Variants in ADAMTS17 observed in about 807,000 individuals in gnomAD.
The protein encoded by ADAMTS17 is ADAM metallopeptidase with thrombospondin type 1 motif 17, also known as A disintegrin and metalloproteinase with thrombospondin motifs 17.
A neutral mutation model predicts 141.5 loss-of-function variants in ADAMTS17; 113 were observed. The observed-to-expected ratio is 0.80, with a 90% confidence interval of 0.69 to 0.93. The LOEUF is 0.93. ADAMTS17 is among the 40% of genes least tolerant of loss of function. The pLI is 0.00. For missense variants in ADAMTS17, 1,659 were observed against 1,517.9 expected (o/e 1.09, Z -1.54); for synonymous variants, 768 against 630.6 (o/e 1.22, Z -3.27).
At chr15:100,130,869 A>G (rs1383367863) in intron 12 of ADAMTS17, among the ~76,000 whole-genome samples, 2 of 152,224 alleles carry the variant, frequency 1.3e-5, no homozygotes, top group African/African-American at 4.8e-5. Flanking sequence ...ATTACTGAGT[A>G]TATACCCAAG....
chr15:100,334,291 G>A (rs781445255), intron 2 of ADAMTS17, among the ~76,000 whole-genome samples: 1 of 152,202 alleles, frequency 6.6e-6, no homozygotes, highest in Non-Finnish European at 1.5e-5. Context: ...CGTCTGTCCT[G>A]TGTGCTTCAA....
chr15:100,284,668 A>G (rs893448488), intron 3 of ADAMTS17, among the ~76,000 whole-genome samples: 2 of 152,234 alleles, frequency 1.3e-5, no homozygotes, highest in African/African-American at 2.4e-5. Flanking sequence ...AGAGACCCAC[A>G]GCATCATTTT....
rs1317444605 is a variant in ADAMTS17, at chr15:100,262,570, T to C, written c.790-135A>G. On this transcript the variant is annotated intron_variant, in intron 4 of 21. Coordinates refer to ENST00000268070, the MANE Select transcript of ADAMTS17 (RefSeq NM_139057.4). ...GGAAATAGAAATAAAGCGTAGACTT[T>C]AGTTTATAACACTGTATCAGTATTG... is the stretch of plus-strand genomic sequence containing the variant. 3 of 636,748 alleles carry C rather than the reference T, an allele frequency of 4.7e-6. 1 individual carries two copies. The highest frequency in any genetic ancestry group is 3.9e-5 in the South Asian group (2 of 51,190). 39.4% of individuals were successfully genotyped at this position (636,748 alleles called of 1,614,324 possible).
At chr15:100,253,035 C>T (rs1596367027) in intron 7 of ADAMTS17, among the ~76,000 whole-genome samples, 1 of 152,068 alleles carries the variant, frequency 6.6e-6, no homozygotes, top group African/African-American at 2.4e-5. Flanking sequence ...CCCAGAAGCT[C>T]AGGTTTTCAA....
intron 8 of ADAMTS17, among the ~76,000 whole-genome samples, chr15:100,190,136 G>A (rs149242036): frequency 2.0e-5 from 3 of 152,284 alleles, no homozygotes; most frequent in East Asian, 1.9e-4. Context: ...CCAGCGACTC[G>A]CTAAGAAAAT....
intron 10 of ADAMTS17, among the ~76,000 whole-genome samples, chr15:100,141,584 T>C (rs1355633639): frequency 1.3e-5 from 2 of 152,112 alleles, no homozygotes; most frequent in Non-Finnish European, 2.9e-5. Context: ...CCAGCCCCAC[T>C]CCTGGAAGGC....
intron 15 of ADAMTS17, among the ~76,000 whole-genome samples, chr15:100,074,776 G>A (rs2034249517): frequency 6.6e-6 from 1 of 151,950 alleles, no homozygotes; most frequent in Admixed American, 6.6e-5. Flanking sequence ...TATCTGTGTT[G>A]ATTTTATATA....
chr15:99,990,755 T>C (rs577425764), intron 20 of ADAMTS17, among the ~76,000 whole-genome samples: 266 of 152,240 alleles, frequency 1.7e-3, no homozygotes, highest in Non-Finnish European at 3.3e-3. Flanking sequence ...AACCCATTTT[T>C]CCTTCCGTAA....
intron 8 of ADAMTS17, among the ~76,000 whole-genome samples, chr15:100,168,009 G>A (rs754658928): frequency 2.9e-4 from 44 of 152,212 alleles, no homozygotes; most frequent in Non-Finnish European, 4.7e-4. Flanking sequence ...TGGCGAAGCC[G>A]TGTAAACCTC....
At position 100,281,111 on chromosome 15, in the gene ADAMTS17, G is replaced by A. The variant is rs149062260; in HGVS notation, c.789+118C>T. The A allele has an allele frequency of 1.8e-3, 2,575 of 1,413,262 alleles. 2 individuals are homozygous for A. Among genetic ancestry groups the A allele is most frequent in the Non-Finnish European group, 2.2e-3 (2,289 of 1,040,680 alleles). The allele number at this position is 1,413,262 out of a possible 1,614,324, so 87.5% of individuals were successfully genotyped here. ...CCCAGAATTACCAGGCTATGTTCCCGTATCCCCAACCCAGCGTCTTCCTCA... is the reference window on the plus strand; with the variant it reads ...CCCAGAATTACCAGGCTATGTTCCCATATCCCCAACCCAGCGTCTTCCTCA... On this transcript the variant is annotated intron_variant, in intron 4 of 21. Coordinates refer to ENST00000268070, the MANE Select transcript of ADAMTS17 (RefSeq NM_139057.4).
chr15:100,331,600 C>G (rs1036778305), intron 2 of ADAMTS17, among the ~76,000 whole-genome samples: 1 of 152,088 alleles, frequency 6.6e-6, no homozygotes, highest in Non-Finnish European at 1.5e-5. Context: ...GAAATCGAAC[C>G]CAGGCAGGGC....
chr15:100,122,127 A>C (rs562892900), intron 12 of ADAMTS17, among the ~76,000 whole-genome samples: 32 of 152,314 alleles, frequency 2.1e-4, no homozygotes, highest in African/African-American at 7.0e-4. Context: ...ACTGTCATCA[A>C]GATTTGTTCC....
At chr15:100,156,356 AC>A (rs1469826604) in intron 8 of ADAMTS17, among the ~76,000 whole-genome samples, 3 of 152,122 alleles carry the variant, frequency 2.0e-5, no homozygotes, top group Non-Finnish European at 4.4e-5. Context: ...CCTGCAGGCC[AC>A]CCCCACACCC....
At chr15:100,129,541 T>G (rs935616650) in intron 12 of ADAMTS17, 5 of 151,964 alleles carry the variant, frequency 3.3e-5, no homozygotes, top group Admixed American at 2.0e-4. Context: ...GTCAGGAGTT[T>G]GAGACCAGCC....
chr15:100,016,902 A>G (rs966034874), intron 18 of ADAMTS17, among the ~76,000 whole-genome samples: 2 of 152,184 alleles, frequency 1.3e-5, no homozygotes, highest in Non-Finnish European at 1.5e-5. Flanking sequence ...GAGAGGGATC[A>G]GTGGCAGGTG....
chr15:100,072,978 C>A (rs2034088807), intron 15 of ADAMTS17, among the ~76,000 whole-genome samples: 1 of 152,114 alleles, frequency 6.6e-6, no homozygotes, highest in Admixed American at 6.5e-5. Flanking sequence ...AGTGAACAGG[C>A]AACCTGCAGA....
At chr15:100,225,947 G>C (rs2042296282) in intron 7 of ADAMTS17, among the ~76,000 whole-genome samples, 1 of 145,296 alleles carries the variant, frequency 6.9e-6, no homozygotes, top group Non-Finnish European at 1.6e-5. Flanking sequence ...GTGCCATTCA[G>C]TCCTTATAGC....
chr15:100,280,779 G>A (rs910041005), intron 4 of ADAMTS17, among the ~76,000 whole-genome samples: 1 of 152,104 alleles, frequency 6.6e-6, no homozygotes, highest in African/African-American at 2.4e-5. Flanking sequence ...AGACAGACGT[G>A]GGCATCCTGA....
chr15:100,217,085 T>C (rs1293611215), intron 7 of ADAMTS17, among the ~76,000 whole-genome samples: 1 of 149,938 alleles, frequency 6.7e-6, no homozygotes, highest in Non-Finnish European at 1.5e-5. Flanking sequence ...AGACATGGGT[T>C]TGTGTTTCAG....
Sources: gnomAD v4.1 joint callset for allele counts (sites outside exome capture counted in the v4.1 genomes callset) on GRCh38, gnomAD v4.1.1 for gene constraint, MANE v1.5 for transcripts, NCBI Gene and HGNC (gene_info 2026-07-23, HGNC 2026-07-21) for gene names.